MAST2: variants seen among roughly 807,000 people sequenced by gnomAD.
MAST2 encodes the protein microtubule-associated serine/threonine-protein kinase 2.
A neutral mutation model predicts 147.4 loss-of-function variants in MAST2; 70 were observed. The observed-to-expected ratio is 0.47, with a 90% CI of 0.39 to 0.58. MAST2 has a LOEUF of 0.58. MAST2 is among the 20% of genes least tolerant of loss of function. The pLI is 0.00. For synonymous variants in MAST2, 869 were observed against 896.8 expected (o/e 0.97, Z 0.55); for missense variants, 2,080 against 2,302.3 (o/e 0.90, Z 1.98).
intron 3 of MAST2, among the ~76,000 whole-genome samples, chr1:45,880,077 A>C (rs1160465743): frequency 1.3e-5 from 2 of 152,346 alleles, no homozygotes; most frequent in East Asian, 3.8e-4. Context: ...ATCTAAATAT[A>C]TATCTACCCT....
At chr1:45,912,079 TG>T (rs1440666052) in intron 4 of MAST2, among the ~76,000 whole-genome samples, 1 of 151,942 alleles carries the variant, frequency 6.6e-6, no homozygotes, top group Non-Finnish European at 1.5e-5. Flanking sequence ...TGTTGAGAAC[TG>T]TTAGATTTCT....
rs778173768 is a variant in MAST2 at position 46,030,747 on chromosome 1, T to G, written c.2694T>G (p.Ile898Met). 1.3e-6 allele frequency: 2 copies of G among 1,585,018 alleles called. No individual in the cohort carries two copies. The highest frequency in any genetic ancestry group is 2.3e-5 in the South Asian group (2 of 86,780). ...GLKGRDRSWV[I>M]GSPEILRKRL... is the part of the protein sequence containing the mutation. ...AAGGCCGAGACCGGAGCTGGGTGATTGGCTCCCCTGAGATGTGAGCACCCA... is the reference window on the plus strand; with the variant it reads ...AAGGCCGAGACCGGAGCTGGGTGATGGGCTCCCCTGAGATGTGAGCACCCA... Residue 898 changes from isoleucine (I) to methionine (M), a missense_variant, in exon 22 of 29, where the codon ATT (isoleucine) becomes ATG (methionine). By Grantham distance (10) the Ile-to-Met change is conservative. Around this residue, in one of 4 missense-constraint regions of MAST2, gnomAD observed 1,278 missense variants for 1,304.2 expected, o/e 0.98. Transcript: ENST00000361297.
In MAST2 at chr1:46,023,702, G is replaced by A. The variant is rs536934176; in HGVS notation, c.1572-70G>A. On this transcript the variant is annotated intron_variant, in intron 14 of 28. Transcript: ENST00000361297. This position sits in a 1 kb window ranked among gnomAD's most constrained non-coding sequence, Gnocchi z 4.9. ...ATTAATTAAGGTGTGAGAGAAGGCA[G>A]TTTGGGTGGCAGAGAGCACAGCTCA... 30 of 1,436,780 alleles carry A rather than the reference G, an allele frequency of 2.1e-5. No individual in the cohort carries two copies. The East Asian group carries it at 6.4e-4, about 30-fold the overall frequency. The allele number at this position is 1,436,780 out of a possible 1,614,324, so 89.0% of individuals were successfully genotyped here. A position where few individuals can be genotyped will look rare whatever the true frequency, so the allele number is the denominator to read the frequency against.
At chr1:45,860,567 G>T (rs1332868195) in intron 3 of MAST2, among the ~76,000 whole-genome samples, 1 of 152,006 alleles carries the variant, frequency 6.6e-6, no homozygotes, top group African/African-American at 2.4e-5. Flanking sequence ...CGCAGTGGCT[G>T]ATGCCTGTAA....
At chr1:46,000,836 T>G in intron 6 of MAST2, 1 of 606,068 alleles carries the variant, frequency 1.6e-6, no homozygotes, top group Non-Finnish European at 2.7e-6. Context: ...CAATTTCACT[T>G]CAAACTATCA....
At chr1:45,879,593 G>T (rs1354948443) in intron 3 of MAST2, among the ~76,000 whole-genome samples, 1 of 100,142 alleles carries the variant, frequency 1.0e-5, no homozygotes, top group Non-Finnish European at 2.2e-5. Flanking sequence ...AAAAAAAAAG[G>T]CACCACCAAT....
chr1:45,973,773 G>A (rs1644023710), intron 5 of MAST2, among the ~76,000 whole-genome samples: 1 of 152,148 alleles, frequency 6.6e-6, no homozygotes, highest in South Asian at 2.1e-4. Context: ...TTCAGAAATA[G>A]CATGTGATCA....
In MAST2 at chr1:46,030,671, G is replaced by T; in HGVS notation, c.2618G>T (p.Arg873Leu). The change falls in exon 22 of 29, where the codon CGC becomes CTC. Residue 873 changes from arginine to leucine, a missense_variant. By Grantham distance (102) the Arg-to-Leu change is moderately radical (BLOSUM62 -2). Coordinates refer to ENST00000361297, the MANE Select transcript of MAST2 (RefSeq NM_015112.3). ...CGCCGGACACCACCCCCGACCAAGCGCAGCCTGAGTGAGGAGAAGGAGGAC... is the reference window on the plus strand; with the variant it reads ...CGCCGGACACCACCCCCGACCAAGCTCAGCCTGAGTGAGGAGAAGGAGGAC... ...EERRTPPPTK[R>L]SLSEEKEDHS... 6.2e-7 allele frequency: 1 copy of T among 1,611,280 alleles called. No individual in the cohort carries two copies. The highest frequency in any genetic ancestry group is 8.5e-7 in the Non-Finnish European group (1 of 1,179,140).
In MAST2 at chr1:46,025,191, C is replaced by T. The variant is rs544618015; in HGVS notation, c.1781-486C>T. On this transcript the variant is annotated intron_variant, in intron 15 of 28. Transcript: ENST00000361297. ...AAAATTAGCTGGGTGTGGTGGTGCACGCCTGTGATCCCAGCTACTCGGGAG... is the reference window on the plus strand; with the variant it reads ...AAAATTAGCTGGGTGTGGTGGTGCATGCCTGTGATCCCAGCTACTCGGGAG... 3.9e-5 allele frequency among the ~76,000 whole-genome samples: 6 copies of T among 152,084 alleles called. No individual in the cohort carries two copies. The South Asian group carries it at 1.0e-3, about 26-fold the overall frequency.
intron 4 of MAST2, among the ~76,000 whole-genome samples, chr1:45,935,333 A>T (rs1570800167): frequency 6.6e-6 from 1 of 152,206 alleles, no homozygotes; most frequent in East Asian, 1.9e-4. Context: ...ATTTTCTCCC[A>T]TTCTCTAGGT....
chr1:46,030,520 C>G (rs1228073130), intron 21 of MAST2, 87 bp from the exon 22 acceptor site: 4 of 1,475,760 alleles, frequency 2.7e-6, no homozygotes, highest in Non-Finnish European at 3.6e-6. Flanking sequence ...GTTCAAATTC[C>G]TAGGTTTCCG....
chr1:45,985,939 A>G (rs1048108770), intron 5 of MAST2, among the ~76,000 whole-genome samples: 1 of 152,122 alleles, frequency 6.6e-6, no homozygotes, highest in African/African-American at 2.4e-5. Context: ...TTGATCTTTT[A>G]TCCTGCAGCC....
intron 4 of MAST2, among the ~76,000 whole-genome samples, chr1:45,923,400 A>G (rs545934243): frequency 1.9e-4 from 29 of 152,314 alleles, no homozygotes; most frequent in African/African-American, 6.7e-4. Context: ...GATGAACCAT[A>G]TGCAATCGAG....
At chr1:45,880,263 C>T (rs1284798667) in intron 3 of MAST2, among the ~76,000 whole-genome samples, 1 of 152,154 alleles carries the variant, frequency 6.6e-6, no homozygotes, top group Non-Finnish European at 1.5e-5. Flanking sequence ...GGATAAATCT[C>T]ACAAATACTA....
At chr1:45,811,141 G>A (rs1387457202) in intron 1 of MAST2, among the ~76,000 whole-genome samples, 2 of 149,582 alleles carry the variant, frequency 1.3e-5, no homozygotes, top group African/African-American at 4.9e-5. Flanking sequence ...GTGGGCCACC[G>A]TGCCTAGCCG....
At chr1:45,931,568 C>T (rs1276412980) in intron 4 of MAST2, among the ~76,000 whole-genome samples, 1 of 151,804 alleles carries the variant, frequency 6.6e-6, no homozygotes, top group East Asian at 1.9e-4. Context: ...GGGCTCACTG[C>T]AACCTCCACC....
At chr1:45,890,079 C>T (rs1647486366) in intron 4 of MAST2, among the ~76,000 whole-genome samples, 1 of 152,132 alleles carries the variant, frequency 6.6e-6, no homozygotes, top group African/African-American at 2.4e-5. Flanking sequence ...AATCTAGTTC[C>T]TACACACCTT....
chr1:45,840,429 T>A (rs553348175), intron 3 of MAST2, among the ~76,000 whole-genome samples: 1 of 152,266 alleles, frequency 6.6e-6, no homozygotes, highest in South Asian at 2.1e-4. Flanking sequence ...CAAAAGTAAA[T>A]ACAAACTCAG....
intron 5 of MAST2, among the ~76,000 whole-genome samples, chr1:45,971,392 G>A (rs1643907668): frequency 6.6e-6 from 1 of 152,310 alleles, no homozygotes; most frequent in East Asian, 1.9e-4. Context: ...CCTGGGGGTC[G>A]GGGTGTTGAG....
Sources: allele counts gnomAD v4.1 joint callset (sites outside exome capture counted in the v4.1 genomes callset), GRCh38; gene constraint gnomAD v4.1.1; regional missense constraint gnomAD v4.1.1; non-coding constraint Gnocchi (gnomAD v3.1); transcripts MANE v1.5; gene names NCBI Gene and HGNC (gene_info 2026-07-23, HGNC 2026-07-21).